Variants in CENPP observed in about 807,000 individuals in gnomAD.
CENPP encodes the protein centromere protein P.
A neutral mutation model predicts 35.6 loss-of-function variants in CENPP; 24 were observed. The observed-to-expected ratio is 0.67, with a 90% CI of 0.49 to 0.95. The LOEUF (loss-of-function observed/expected upper bound fraction) is 0.95, where lower values mean the gene tolerates loss of function less well. Among genes scored for constraint, CENPP ranks in the 40% least tolerant of loss-of-function variants. The pLI is 0.00. For synonymous variants in CENPP, 120 were observed against 125.5 expected (o/e 0.96, Z 0.29); for missense variants, 332 against 345.3 (o/e 0.96, Z 0.31).
intron 5 of CENPP, among the ~76,000 whole-genome samples, chr9:92,450,262 C>T (rs1844670094): frequency 1.6e-5 from 2 of 123,986 alleles, no homozygotes; most frequent in African/African-American, 6.2e-5. Context: ...GACCCCACGA[C>T]AGTCCCCAGA....
chr9:92,547,271 C>G (rs942453532), intron 5 of CENPP, among the ~76,000 whole-genome samples: 27 of 152,130 alleles, frequency 1.8e-4, no homozygotes, highest in Non-Finnish European at 1.5e-5. Flanking sequence ...AGATTATCTA[C>G]AAGAAAACAA....
chr9:92,327,569 A>G (rs1840599288), intron 1 of CENPP, among the ~76,000 whole-genome samples: 1 of 152,270 alleles, frequency 6.6e-6, no homozygotes, highest in South Asian at 2.1e-4. Context: ...ATTTAAATGC[A>G]TTACAATTAG....
At chr9:92,484,231 A>G (rs2131109203) in intron 5 of CENPP, among the ~76,000 whole-genome samples, 1 of 152,244 alleles carries the variant, frequency 6.6e-6, no homozygotes, top group Middle Eastern at 3.4e-3. Flanking sequence ...TTACAAAATG[A>G]CCCCAATCAA....
At chr9:92,606,567 T>C in intron 5 of CENPP, among the ~76,000 whole-genome samples, 1 of 151,820 alleles carries the variant, frequency 6.6e-6, no homozygotes, top group Non-Finnish European at 1.5e-5. Flanking sequence ...GTGCAAAACT[T>C]ATACACAAAT....
intron 5 of CENPP, among the ~76,000 whole-genome samples, chr9:92,450,922 C>G (rs188393554): frequency 3.3e-5 from 5 of 151,994 alleles, no homozygotes; most frequent in Non-Finnish European, 5.9e-5. Context: ...TCATGTCGTT[C>G]GCCCACTTTT....
At chr9:92,508,182 G>C (rs1847117629) in intron 5 of CENPP, among the ~76,000 whole-genome samples, 1 of 152,202 alleles carries the variant, frequency 6.6e-6, no homozygotes, top group Non-Finnish European at 1.5e-5. Flanking sequence ...TCCCAGCCAG[G>C]GGGAGCCCAG....
At chr9:92,379,927 C>A (rs1842208030) in intron 5 of CENPP, 68 bp downstream of exon 5, 4 of 944,988 alleles carry the variant, frequency 4.2e-6, no homozygotes, top group Non-Finnish European at 6.8e-6. Context: ...GAGAATTCAT[C>A]CCTAACATCC....
intron 5 of CENPP, chr9:92,610,752 G>A (rs1467451104): frequency 1.9e-5 from 3 of 154,118 alleles, no homozygotes; most frequent in Non-Finnish European, 2.9e-5. Context: ...GGATACCAGG[G>A]TGGGCTCCTG....
chr9:92,371,373 G>T (rs1842000707), intron 4 of CENPP, among the ~76,000 whole-genome samples: 1 of 152,104 alleles, frequency 6.6e-6, no homozygotes, highest in South Asian at 2.1e-4. Flanking sequence ...TTGACCCAGT[G>T]ATCATTCAGG....
At chr9:92,431,935 T>C (rs1844120008) in intron 5 of CENPP, among the ~76,000 whole-genome samples, 1 of 152,204 alleles carries the variant, frequency 6.6e-6, no homozygotes, top group Admixed American at 6.5e-5. Context: ...TTATATCTCA[T>C]AGATACTAAC....
intron 5 of CENPP, among the ~76,000 whole-genome samples, chr9:92,542,856 T>G (rs1266963970): frequency 6.6e-6 from 1 of 152,234 alleles, no homozygotes; most frequent in Non-Finnish European, 1.5e-5. Flanking sequence ...AGATCTTACA[T>G]TTAATTCATT....
intron 4 of CENPP, among the ~76,000 whole-genome samples, chr9:92,363,330 T>A (rs1588060952): frequency 6.6e-6 from 1 of 152,236 alleles, no homozygotes; most frequent in East Asian, 1.9e-4. Flanking sequence ...AACTACTTTT[T>A]GATCAGTGAC....
Position 92,607,078 on chromosome 9 carries a change from C to T in CENPP, c.565-4236C>T, listed in dbSNP as rs369940313. 9.2e-5 allele frequency among the ~76,000 whole-genome samples: 14 copies of T among 152,224 alleles called. No homozygotes were observed. The East Asian group carries it at 9.6e-4, about 10-fold the overall frequency. On this transcript the variant is annotated intron_variant, in intron 5 of 7. Transcript: ENST00000375587. ...TAAAGAAAATGTGGTACATAAAAGA[C>T]CATATGTAATTCCATTTGTATGAAA...
At chr9:92,428,467 G>T (rs1844023842) in intron 5 of CENPP, among the ~76,000 whole-genome samples, 1 of 152,126 alleles carries the variant, frequency 6.6e-6, no homozygotes. Flanking sequence ...ACCAAACCTT[G>T]AGAACCACTG....
At chr9:92,594,227 A>G (rs1172566808) in intron 5 of CENPP, among the ~76,000 whole-genome samples, 1 of 152,138 alleles carries the variant, frequency 6.6e-6, no homozygotes, top group Non-Finnish European at 1.5e-5. Flanking sequence ...AGGCTCCTGG[A>G]GCTTCAGCTT....
chr9:92,338,102 A>G (rs906690187), intron 3 of CENPP, among the ~76,000 whole-genome samples: 7 of 152,190 alleles, frequency 4.6e-5, no homozygotes, highest in African/African-American at 1.7e-4. Flanking sequence ...GCTTGAGCCC[A>G]GGAGTTTGAG....
intron 5 of CENPP, among the ~76,000 whole-genome samples, chr9:92,434,330 A>G (rs1043937531): frequency 6.6e-5 from 10 of 151,178 alleles, no homozygotes; most frequent in African/African-American, 2.2e-4. Context: ...CCAAGGTTGC[A>G]GTGAGCCAAG....
intron 5 of CENPP, among the ~76,000 whole-genome samples, chr9:92,471,645 T>C (rs2131075056): frequency 6.6e-6 from 1 of 151,860 alleles, no homozygotes; most frequent in African/African-American, 2.4e-5. Context: ...GATTTCCACA[T>C]ACTGATTCAT....
At position 92,412,406 on chromosome 9, in the gene CENPP, G is replaced by A. The variant is rs115654013; in HGVS notation, c.564+32547G>A. 3.0e-3 allele frequency among the ~76,000 whole-genome samples: 461 copies of A among 152,188 alleles called. 4 individuals carry two copies. Among genetic ancestry groups the A allele is most frequent in the Middle Eastern group, 0.017 (5 of 294 alleles). ...CCAGCCTAAAGTATACAATTTAATA[G>A]TACTTAGTGTTTTTGCATTTGTACA... On this transcript the variant is annotated intron_variant, in intron 5 of 7. Transcript: ENST00000375587.
Sources: gnomAD v4.1 joint callset for allele counts (sites outside exome capture counted in the v4.1 genomes callset) on GRCh38, gnomAD v4.1.1 for gene constraint, MANE v1.5 for transcripts, NCBI Gene and HGNC (gene_info 2026-07-23, HGNC 2026-07-21) for gene names.